Variants in PITPNB observed in about 807,000 individuals in gnomAD.
PITPNB encodes phosphatidylinositol transfer protein beta isoform.
PITPNB carries 16 observed loss-of-function variants against 45.9 expected under a neutral mutation model. The observed-to-expected ratio is 0.35, with a 90% CI of 0.24 to 0.53. The LOEUF (loss-of-function observed/expected upper bound fraction) is 0.53. PITPNB is among the 20% of genes least tolerant of loss of function. The pLI is 0.93. For missense variants in PITPNB, 188 were observed against 330.5 expected, an observed-to-expected ratio of 0.57 and a Z score of 3.34; for synonymous variants, 112 against 108.9, an observed-to-expected ratio of 1.03 and a Z score of -0.18.
At chr22:27,896,158 TGCAAA>T (rs978142163) in intron 6 of PITPNB, among the ~76,000 whole-genome samples, 1 of 152,232 alleles carries the variant, frequency 6.6e-6, no homozygotes, top group African/African-American at 2.4e-5. Flanking sequence ...CCCATACCCT[TGCAAA>T]GCAGACAAGA....
intron 10 of PITPNB, among the ~76,000 whole-genome samples, chr22:27,856,741 GGT>G (rs1569002392): frequency 6.6e-6 from 1 of 152,168 alleles, no homozygotes; most frequent in Non-Finnish European, 1.5e-5. Context: ...AGCGTGTTTG[GGT>G]GTCTCTTGCT....
In PITPNB at chr22:27,852,742, T is replaced by G. The variant is rs2146340208; in HGVS notation, c.*960A>C. ...GCTGTAGTTACAGAAAACTGTCATC[T>G]TCAAAACAAGACTCCATGAAGTGCT... On this transcript the variant is annotated 3_prime_UTR_variant, in exon 12 of 12. Transcript: ENST00000335272. 6.6e-6 allele frequency: 1 copy of G among 152,642 alleles called. No homozygotes were observed. Among genetic ancestry groups the G allele is most frequent in the East Asian group, 1.9e-4 (1 of 5,196 alleles). The allele number at this position is 152,642 out of a possible 1,614,324, so 9.5% of individuals were successfully genotyped here. A position where few individuals can be genotyped will look rare whatever the true frequency, so the allele number is the denominator to read the frequency against.
At chr22:27,906,480 G>A (rs1050127468) in intron 3 of PITPNB, among the ~76,000 whole-genome samples, 2 of 152,206 alleles carry the variant, frequency 1.3e-5, no homozygotes, top group East Asian at 1.9e-4. Context: ...GGATTCAGAC[G>A]TAGAGCAAAG....
intron 7 of PITPNB, among the ~76,000 whole-genome samples, chr22:27,880,718 G>A (rs920570778): frequency 6.6e-6 from 1 of 152,026 alleles, no homozygotes; most frequent in African/African-American, 2.4e-5. Context: ...CGCCTCCCAG[G>A]TTCAAGCGAT....
At chr22:27,868,598 T>A (rs1403365942) in intron 8 of PITPNB, among the ~76,000 whole-genome samples, 1 of 152,108 alleles carries the variant, frequency 6.6e-6, no homozygotes, top group Non-Finnish European at 1.5e-5. Context: ...CTAAACAGTA[T>A]GAAAAACTGA....
chr22:27,905,162 T>G (rs909874872), intron 3 of PITPNB, among the ~76,000 whole-genome samples: 2 of 150,258 alleles, frequency 1.3e-5, no homozygotes, highest in Admixed American at 1.3e-4. Flanking sequence ...TTACTTTTTT[T>G]GTTTGAGACG....
At chr22:27,914,696 C>G (rs1188247002) in intron 1 of PITPNB, among the ~76,000 whole-genome samples, 4 of 152,190 alleles carry the variant, frequency 2.6e-5, no homozygotes. Context: ...GTTGCCCTGA[C>G]TAAATTTTTA....
chr22:27,913,265 G>A (rs969802528), intron 2 of PITPNB, among the ~76,000 whole-genome samples: 13 of 152,164 alleles, frequency 8.5e-5, no homozygotes, highest in African/African-American at 3.1e-4. Context: ...ACTAAACAGT[G>A]CCAGACAGCT....
chr22:27,899,402 G>C (rs1478507394), intron 3 of PITPNB, among the ~76,000 whole-genome samples: 1 of 152,142 alleles, frequency 6.6e-6, no homozygotes, highest in East Asian at 1.9e-4. Context: ...TCGGCTCACT[G>C]CAAGCTCCAC....
At chr22:27,905,960 TCTACTA>T (rs1414917612) in intron 3 of PITPNB, among the ~76,000 whole-genome samples, 1 of 152,196 alleles carries the variant, frequency 6.6e-6, no homozygotes, top group Non-Finnish European at 1.5e-5. Context: ...TTCACTGCCA[TCTACTA>T]CTAAGTTATT....
intron 2 of PITPNB, among the ~76,000 whole-genome samples, chr22:27,912,240 C>T (rs1475416716): frequency 6.6e-6 from 1 of 152,066 alleles, no homozygotes; most frequent in Non-Finnish European, 1.5e-5. Context: ...TGCTATCTTG[C>T]CTATTAGTTA....
intron 7 of PITPNB, among the ~76,000 whole-genome samples, chr22:27,882,787 C>T (rs1188897715): frequency 2.0e-5 from 3 of 152,194 alleles, no homozygotes; most frequent in Non-Finnish European, 4.4e-5. Context: ...CACTCACATA[C>T]TACACAACCA....
chr22:27,916,002 G>C (rs1269147675), intron 1 of PITPNB, among the ~76,000 whole-genome samples: 2 of 152,120 alleles, frequency 1.3e-5, no homozygotes, highest in African/African-American at 4.8e-5. Context: ...TGGGAGGCTA[G>C]GCAAGAACTG....
chr22:27,888,876 C>G (rs973080805), intron 7 of PITPNB, among the ~76,000 whole-genome samples: 1 of 152,200 alleles, frequency 6.6e-6, no homozygotes, highest in Non-Finnish European at 1.5e-5. Context: ...GAAGAGAATG[C>G]TCAAGTGGCA....
At position 27,853,596 on chromosome 22, in the gene PITPNB, AC is replaced by A; in HGVS notation, c.*105del. ...CTGGGAAACGTCAACACTGCAAGAT[AC>A]TGGTCAGATTCTTCTTCACTCATCA... On this transcript the variant is annotated 3_prime_UTR_variant, in exon 12 of 12. Coordinates refer to ENST00000335272, the MANE Select transcript of PITPNB (RefSeq NM_012399.5). 1.3e-6 allele frequency: 2 copies of A among 1,546,766 alleles called. No homozygotes were observed. The highest frequency in any genetic ancestry group is 2.4e-5 in the South Asian group (2 of 83,970).
chr22:27,894,370 T>C, intron 7 of PITPNB, 185 bp downstream of exon 7: 1 of 451,512 alleles, frequency 2.2e-6, no homozygotes, highest in Non-Finnish European at 4.0e-6. Flanking sequence ...TCGCCTTCTC[T>C]CTTACTCTGG....
intron 7 of PITPNB, among the ~76,000 whole-genome samples, chr22:27,884,088 C>A (rs1935047810): frequency 6.6e-6 from 1 of 152,126 alleles, no homozygotes; most frequent in African/African-American, 2.4e-5. Context: ...AGAGATGTTG[C>A]AGACTGGTCC....
intron 3 of PITPNB, among the ~76,000 whole-genome samples, chr22:27,900,059 C>T (rs562241792): frequency 5.3e-5 from 8 of 151,898 alleles, no homozygotes; most frequent in African/African-American, 1.5e-4. Context: ...AAAAATTAGC[C>T]GGGCATGGTG....
chr22:27,911,131 A>C, intron 2 of PITPNB, 22 bp from the exon 3 acceptor site: 1 of 1,599,430 alleles, frequency 6.3e-7, no homozygotes, highest in Non-Finnish European at 8.6e-7. Flanking sequence ...AAGAATACAG[A>C]AACTGAGTAA....
Sources: allele counts gnomAD v4.1 joint callset (sites outside exome capture counted in the v4.1 genomes callset), GRCh38; gene constraint gnomAD v4.1.1; transcripts MANE v1.5; gene names NCBI Gene and HGNC (gene_info 2026-07-23, HGNC 2026-07-21).